Variants in TRIM5 observed in about 807,000 individuals in gnomAD.
TRIM5 encodes the protein tripartite motif containing 5.
Under a neutral mutation model 35.6 loss-of-function variants are expected in TRIM5, and 31 were observed. That is an observed-to-expected ratio of 0.87 (90% CI 0.65 to 1.18). The LOEUF (loss-of-function observed/expected upper bound fraction) is 1.18. TRIM5 is among the 50% of genes most tolerant of loss of function. The probability of loss-of-function intolerance (pLI) is 0.00; values close to 1 mark genes in which losing one functional copy is unlikely to be tolerated. For synonymous variants in TRIM5, 243 were observed against 215.6 expected (o/e 1.13, Z -1.11); for missense variants, 609 against 591.6 (o/e 1.03, Z -0.31).
At chr11:5,659,926 T>G (rs1032764286), downstream of TRIM5, among the ~76,000 whole-genome samples, 21 of 152,210 alleles carry the variant, frequency 1.4e-4, no homozygotes, top group Non-Finnish European at 2.4e-4. Context: ...CCTCTATATC[T>G]CTTCTTTACG....
At chr11:5,635,663 CA>C in the TRIM5 span, among the ~76,000 whole-genome samples, 1 of 152,080 alleles carries the variant, frequency 6.6e-6, no homozygotes, top group Admixed American at 6.5e-5. Flanking sequence ...GCTGAATTTC[CA>C]AATATTTCCT....
At chr11:5,641,249 A>G in the TRIM5 span, 1 of 1,612,222 alleles carries the variant, frequency 6.2e-7, no homozygotes, top group East Asian at 2.2e-5. Flanking sequence ...TGTAGCTATT[A>G]GAGTTATTTG....
At position 5,665,293 on chromosome 11, in the gene TRIM5, C is replaced by T; in HGVS notation, c.998G>A (p.Gly333Glu). The stretch of plus-strand genomic sequence containing the variant: ...ATTCACAAATGTCTGGTATCTTGTC[C>T]CTCGTGCCCCATATATTATCTGTGG... The part of the protein sequence containing the change: ...PKPQIIYGAR[G>E]TRYQTFVNFN... Residue 333 changes from glycine to glutamate, a missense_variant, in exon 8 of 8, where the codon GGG becomes GAG. Transcript: ENST00000380034. 1 of 1,614,106 alleles carries T rather than the reference C, an allele frequency of 6.2e-7. No individual in the cohort carries two copies.
the TRIM5 span, among the ~76,000 whole-genome samples, chr11:5,605,814 T>C: frequency 6.6e-6 from 1 of 152,254 alleles, no homozygotes; most frequent in East Asian, 1.9e-4. Flanking sequence ...TATTTGATGC[T>C]GTGGAGAAGT....
At chr11:5,610,822 T>C in the TRIM5 span, 2 of 1,614,226 alleles carry the variant, frequency 1.2e-6, no homozygotes. Context: ...AATCTTGTCC[T>C]GGCTAAAAAC....
the TRIM5 span, among the ~76,000 whole-genome samples, chr11:5,622,349 G>A: frequency 3.3e-5 from 5 of 151,540 alleles, no homozygotes; most frequent in South Asian, 8.3e-4. Flanking sequence ...GGAGGCTGAG[G>A]AAGGAGAATG....
the TRIM5 span, among the ~76,000 whole-genome samples, chr11:5,615,589 TTG>T: frequency 0.25 from 28,183 of 112,404 alleles, 2,784 homozygotes; most frequent in Non-Finnish European, 0.29. Flanking sequence ...TTTTTTTTTG[TTG>T]TTGTTGTTGT....
chr11:5,634,530 C>CACACATATATATATATATATATATAT, the TRIM5 span: 46 of 203,866 alleles, frequency 2.3e-4, no homozygotes, highest in African/African-American at 1.5e-3. Flanking sequence ...CACACACACA[C>CACACATATATATATATATATATATAT]ATATATATAT....
the TRIM5 span, among the ~76,000 whole-genome samples, chr11:5,647,398 T>C: frequency 2.0e-5 from 3 of 152,328 alleles, no homozygotes; most frequent in East Asian, 5.8e-4. Context: ...TTTTTAAATC[T>C]AAATAGAATC....
chr11:5,665,922 T>C, intron 6 of TRIM5, 59 bp downstream of exon 6: 1 of 1,514,292 alleles, frequency 6.6e-7, no homozygotes, highest in Admixed American at 2.1e-5. Flanking sequence ...CTCTTCCCTA[T>C]TTAGCACCCT....
Position 5,681,945 on chromosome 11 carries a change from C to T in TRIM5, c.-61-1707G>A, listed in dbSNP as rs60210271. 1.7e-3 allele frequency among the ~76,000 whole-genome samples: 255 copies of T among 151,718 alleles called. 1 individual carries two copies. Among genetic ancestry groups the T allele is most frequent in the African/African-American group, 6.0e-3 (247 of 41,242 alleles). ...TCCCGAGCAGCTGGGACCACAGGCA[C>T]GCACCACCACACCCGGCTAATTTTT... On this transcript the variant is annotated intron_variant, in intron 1 of 7. Coordinates refer to ENST00000380034, the MANE Select transcript of TRIM5 (RefSeq NM_033034.3).
chr11:5,605,450 G>A, the TRIM5 span: 2 of 1,614,086 alleles, frequency 1.2e-6, no homozygotes, highest in African/African-American at 2.7e-5. Flanking sequence ...AAGAGAAGAA[G>A]GGGCTACGAA....
At chr11:5,640,493 GC>G in the TRIM5 span, among the ~76,000 whole-genome samples, 6,138 of 151,580 alleles carry the variant, frequency 0.04, 394 homozygotes, top group African/African-American at 0.14. Context: ...ATTCTACTTG[GC>G]CATCAGGTAT....
At chr11:5,669,369 C>A (rs560493136) in intron 4 of TRIM5, among the ~76,000 whole-genome samples, 2 of 152,158 alleles carry the variant, frequency 1.3e-5, no homozygotes, top group African/African-American at 4.8e-5. Flanking sequence ...CGTGAGCCAC[C>A]GCACCCAGCT....
At chr11:5,654,679 T>C in the TRIM5 span, among the ~76,000 whole-genome samples, 4 of 152,176 alleles carry the variant, frequency 2.6e-5, no homozygotes, top group African/African-American at 7.2e-5. Context: ...TCAAACACTA[T>C]GCGGCACAGG....
At chr11:5,643,276 C>T in the TRIM5 span, 2 of 1,614,026 alleles carry the variant, frequency 1.2e-6, no homozygotes, top group East Asian at 4.5e-5. Context: ...CAATATTTCT[C>T]CTCTGGGAAA....
At chr11:5,683,858 G>C (rs1263985322) in intron 1 of TRIM5, 1 of 152,300 alleles carries the variant, frequency 6.6e-6, no homozygotes, top group Non-Finnish European at 1.5e-5. Flanking sequence ...GGCTGCCTGA[G>C]CCAGCAGTGG....
At chr11:5,624,807 A>G in the TRIM5 span, 1 of 152,156 alleles carries the variant, frequency 6.6e-6, no homozygotes. Context: ...CTCGAGAATC[A>G]CTGGATTAAG....
the TRIM5 span, chr11:5,645,840 G>A: frequency 4.7e-6 from 1 of 212,968 alleles, no homozygotes; most frequent in Non-Finnish European, 8.2e-6. Context: ...TGTGACAACT[G>A]CTCTCTTCAT....
Sources: gnomAD v4.1 joint callset for allele counts (sites outside exome capture counted in the v4.1 genomes callset) on GRCh38, gnomAD v4.1.1 for gene constraint, MANE v1.5 for transcripts, NCBI Gene and HGNC (gene_info 2026-07-23, HGNC 2026-07-21) for gene names.